Variants in AK5 observed in about 807,000 individuals in gnomAD.
AK5 encodes adenylate kinase isoenzyme 5.
A neutral mutation model predicts 69.5 loss-of-function variants in AK5; 27 were observed. The ratio of observed to expected loss-of-function variants is 0.39; its 90% CI spans 0.29 to 0.54. The LOEUF (loss-of-function observed/expected upper bound fraction) is 0.54, where lower values mean the gene tolerates loss of function less well. AK5 is among the 20% of genes least tolerant of loss of function. The pLI is 0.71. For missense variants in AK5, 531 were observed against 700.4 expected, an observed-to-expected ratio of 0.76 and a Z score of 2.73; for synonymous variants, 260 against 244.4, an observed-to-expected ratio of 1.06 and a Z score of -0.60.
chr1:77,329,763 T>C (rs1426389655), intron 5 of AK5, among the ~76,000 whole-genome samples: 1 of 152,194 alleles, frequency 6.6e-6, no homozygotes, highest in Non-Finnish European at 1.5e-5. Context: ...GGACCAAAGC[T>C]GACCAAAGCC....
intron 1 of AK5, 151 bp downstream of exon 1, chr1:77,282,524 A>C (rs1658119126): frequency 7.3e-7 from 1 of 1,374,392 alleles, no homozygotes; most frequent in African/African-American, 1.5e-5. Context: ...CCCCGAGGGT[A>C]GTCGCCTTTC....
intron 8 of AK5, among the ~76,000 whole-genome samples, chr1:77,428,247 C>T (rs12137455): frequency 0.067 from 10,208 of 152,272 alleles, 441 homozygotes; most frequent in Middle Eastern, 0.099. Context: ...CTGAAAATGA[C>T]ACCAGATTGA....
chr1:77,320,569 T>G (rs1660477519), intron 5 of AK5, among the ~76,000 whole-genome samples: 1 of 151,950 alleles, frequency 6.6e-6, no homozygotes, highest in Admixed American at 6.6e-5. Context: ...GTCAATATGG[T>G]GAAACCCCAT....
chr1:77,453,806 C>T (rs1372852188), intron 8 of AK5, among the ~76,000 whole-genome samples: 1 of 152,200 alleles, frequency 6.6e-6, no homozygotes, highest in Non-Finnish European at 1.5e-5. Flanking sequence ...GTATCTTCGA[C>T]TTTATTATTA....
chr1:77,463,942 T>G (rs1264387220), intron 8 of AK5, among the ~76,000 whole-genome samples: 3 of 152,190 alleles, frequency 2.0e-5, no homozygotes, highest in African/African-American at 7.2e-5. Context: ...CCAATAGGTA[T>G]CCAGTATATT....
intron 2 of AK5, among the ~76,000 whole-genome samples, chr1:77,291,081 A>G (rs1289970300): frequency 1.3e-5 from 2 of 152,204 alleles, no homozygotes; most frequent in Non-Finnish European, 2.9e-5. Flanking sequence ...AAGAGATTGT[A>G]CCAGGGAACA....
chr1:77,423,208 A>C (rs529856307), intron 8 of AK5, among the ~76,000 whole-genome samples: 2 of 140,294 alleles, frequency 1.4e-5, no homozygotes, highest in Non-Finnish European at 3.1e-5. Context: ...GCAACAGAGC[A>C]AGACTCCGTC....
At chr1:77,554,608 G>GT (rs746210763) in intron 13 of AK5, among the ~76,000 whole-genome samples, 140 of 151,906 alleles carry the variant, frequency 9.2e-4, no homozygotes, top group Admixed American at 2.0e-3. Flanking sequence ...TTTTGTTTTT[G>GT]TTTTTGTTTT....
intron 7 of AK5, among the ~76,000 whole-genome samples, chr1:77,413,779 C>T (rs1318057525): frequency 6.6e-6 from 1 of 152,140 alleles, no homozygotes; most frequent in African/African-American, 2.4e-5. Context: ...ACTTTCTCCA[C>T]TTTTCCTGGA....
intron 6 of AK5, among the ~76,000 whole-genome samples, chr1:77,386,072 T>A (rs1648003477): frequency 6.6e-6 from 1 of 152,230 alleles, no homozygotes; most frequent in African/African-American, 2.4e-5. Flanking sequence ...TATTTTTAAA[T>A]TTTTAAGAGG....
chr1:77,350,226 A>G (rs1253058216), intron 6 of AK5, among the ~76,000 whole-genome samples: 1 of 152,246 alleles, frequency 6.6e-6, no homozygotes, highest in East Asian at 1.9e-4. Flanking sequence ...CAGGCCAGGA[A>G]GAATAAAGGG....
intron 8 of AK5, among the ~76,000 whole-genome samples, chr1:77,470,864 TA>T (rs1654453939): frequency 1.9e-3 from 5 of 2,582 alleles, no homozygotes; most frequent in African/African-American, 4.5e-3. Flanking sequence ...TATATATATA[TA>T]TATATATATA....
At chr1:77,482,300 A>G (rs895478688) in intron 8 of AK5, among the ~76,000 whole-genome samples, 1 of 152,182 alleles carries the variant, frequency 6.6e-6, no homozygotes, top group Non-Finnish European at 1.5e-5. Context: ...GCCTTTTTAT[A>G]AAATGTTTTT....
intron 8 of AK5, among the ~76,000 whole-genome samples, chr1:77,456,609 C>G (rs1653501335): frequency 6.6e-6 from 1 of 152,196 alleles, no homozygotes; most frequent in Non-Finnish European, 1.5e-5. Flanking sequence ...GCCTCAGTTC[C>G]AAGTATGGAG....
chr1:77,389,637 T>G (rs992039929), intron 6 of AK5, among the ~76,000 whole-genome samples: 6 of 152,250 alleles, frequency 3.9e-5, no homozygotes, highest in African/African-American at 1.4e-4. Flanking sequence ...AATTATTTTA[T>G]GCATAATATG....
chr1:77,359,237 G>C (rs1160601589), intron 6 of AK5, among the ~76,000 whole-genome samples: 1 of 150,184 alleles, frequency 6.7e-6, no homozygotes, highest in African/African-American at 2.5e-5. Context: ...CCTGGCGACA[G>C]AGCGAGACTC....
chr1:77,310,713 T>C (rs1659901694), intron 5 of AK5, among the ~76,000 whole-genome samples: 1 of 152,092 alleles, frequency 6.6e-6, no homozygotes, highest in African/African-American at 2.4e-5. Flanking sequence ...TGCCTATACA[T>C]TTATTCTTCT....
At chr1:77,302,977 A>G (rs1343199692) in intron 5 of AK5, among the ~76,000 whole-genome samples, 1 of 152,008 alleles carries the variant, frequency 6.6e-6, no homozygotes, top group Middle Eastern at 3.2e-3. Flanking sequence ...ACCCAAGCAA[A>G]TCAATGTCGC....
At chr1:77,469,456 A>G (rs1038539013) in intron 8 of AK5, among the ~76,000 whole-genome samples, 8 of 152,304 alleles carry the variant, frequency 5.3e-5, no homozygotes, top group African/African-American at 1.7e-4. Context: ...CCGCAGTGAG[A>G]GCTCTTGCCC....
Sources: allele counts gnomAD v4.1 joint callset (sites outside exome capture counted in the v4.1 genomes callset), GRCh38; gene constraint gnomAD v4.1.1; transcripts MANE v1.5; gene names NCBI Gene and HGNC (gene_info 2026-07-23, HGNC 2026-07-21).